Variants in ITSN1 observed in about 807,000 individuals in gnomAD.
ITSN1 encodes intersectin-1.
ITSN1 carries 58 observed loss-of-function variants against 239.8 expected under a neutral mutation model. The ratio of observed to expected loss-of-function variants is 0.24; its 90% confidence interval spans 0.20 to 0.30. The LOEUF is 0.30. Ranked by LOEUF, ITSN1 falls within the 10% of genes least tolerant of loss-of-function variation. The pLI is 1.00. For missense variants in ITSN1, 1,558 were observed against 2,103.3 expected, an observed-to-expected ratio of 0.74 and a Z score of 5.07; for synonymous variants, 780 against 770.8, an observed-to-expected ratio of 1.01 and a Z score of -0.20.
chr21:33,867,485 CAG>C (rs1229182526), intron 33 of ITSN1, among the ~76,000 whole-genome samples, 154 bp downstream of exon 33: 2 of 152,006 alleles, frequency 1.3e-5, no homozygotes, highest in African/African-American at 2.4e-5. Context: ...CTTGGTAACT[CAG>C]AAAGAAAAGC....
At chr21:33,886,628 T>C (rs1369838833) in intron 39 of ITSN1, among the ~76,000 whole-genome samples, 168 bp downstream of exon 39, 1 of 152,202 alleles carries the variant, frequency 6.6e-6, no homozygotes, top group Non-Finnish European at 1.5e-5. Context: ...AGGAGTCTTC[T>C]GGAGGCGTCT....
intron 1 of ITSN1, among the ~76,000 whole-genome samples, chr21:33,677,724 C>T (rs1305212432): frequency 2.6e-5 from 4 of 152,128 alleles, no homozygotes; most frequent in African/African-American, 7.2e-5. Context: ...TGTCAAACAC[C>T]CATTTAGGCA....
intron 1 of ITSN1, among the ~76,000 whole-genome samples, chr21:33,673,277 A>G (rs2090405881): frequency 1.3e-5 from 2 of 152,230 alleles, no homozygotes; most frequent in African/African-American, 2.4e-5. Flanking sequence ...GATGTAGGTC[A>G]AAGTTGCAGT....
chr21:33,666,338 A>G (rs1181636372), intron 1 of ITSN1, among the ~76,000 whole-genome samples: 1 of 152,190 alleles, frequency 6.6e-6, no homozygotes, highest in African/African-American at 2.4e-5. Context: ...GGTGATGAAA[A>G]TGTTCTGGAA....
Position 33,865,223 on chromosome 21 carries a change from A to C in ITSN1, c.3963A>C (p.Ala1321=). 6.2e-7 allele frequency: 1 copy of C among 1,613,840 alleles called. No individual in the cohort carries two copies. Among genetic ancestry groups the C allele is most frequent in the Non-Finnish European group, 8.5e-7 (1 of 1,179,958 alleles). Residue 1321 remains alanine, a synonymous_variant, in exon 32 of 40, where the codon GCA becomes GCC. Coordinates refer to ENST00000381318, the MANE Select transcript of ITSN1 (RefSeq NM_003024.3). This position sits in a 1 kb window ranked among gnomAD's most constrained non-coding sequence, Gnocchi z 4.4. ...PVKMIGDILS[A]QLPHMQPYIR... ...AGATGATTGGAGACATCCTGAGCGC[A>C]CAGCTGCCGCACATGCAGCCCTACA... is the stretch of plus-strand genomic sequence containing the variant.
At chr21:33,739,034 A>G (rs1409290095) in intron 5 of ITSN1, among the ~76,000 whole-genome samples, 1 of 152,204 alleles carries the variant, frequency 6.6e-6, no homozygotes, top group African/African-American at 2.4e-5. Flanking sequence ...ATCTCAAGTA[A>G]TCCTCCCATT....
At chr21:33,818,041 A>G (rs1302760195) in intron 22 of ITSN1, 8 of 568,840 alleles carry the variant, frequency 1.4e-5, no homozygotes, top group Admixed American at 1.2e-4. Flanking sequence ...TGGTCAGACA[A>G]TGACTTTGTG....
In ITSN1 at chr21:33,730,388, C is replaced by CTTTTTTTTT. The variant is rs71194863; in HGVS notation, c.186-4636_186-4628dup. Among the ~76,000 whole-genome samples the CTTTTTTTTT allele has an allele frequency of 7.7e-4, 38 of 49,372 alleles. 4 individuals carry two copies. Among genetic ancestry groups the CTTTTTTTTT allele is most frequent in the East Asian group, 1.4e-3 (2 of 1,466 alleles). 32.4% of individuals were successfully genotyped at this position (49,372 alleles called of 152,430 possible). On this transcript the variant is annotated intron_variant, in intron 4 of 39. Coordinates refer to ENST00000381318, the MANE Select transcript of ITSN1 (RefSeq NM_003024.3). ...TAACCTGCTATAAATGCTCTCTGTT[C>CTTTTTTTTT]TTTTTTTTTTTTTTTTTTTTTTTTT...
chr21:33,761,170 G>A (rs2068295137), intron 8 of ITSN1, among the ~76,000 whole-genome samples: 1 of 151,894 alleles, frequency 6.6e-6, no homozygotes, highest in African/African-American at 2.4e-5. Flanking sequence ...CCGCCTCTGG[G>A]GCTCAAGCGA....
intron 33 of ITSN1, among the ~76,000 whole-genome samples, chr21:33,873,074 A>G (rs1196054679): frequency 6.6e-6 from 1 of 152,174 alleles, no homozygotes; most frequent in African/African-American, 2.4e-5. Context: ...CCCTCCAGGG[A>G]TTTTGATTTA....
rs750655480 is a variant in ITSN1 at position 33,735,073 on chromosome 21, G to A, written c.215G>A (p.Arg72Lys). ...CTAGCTGACATGAATAATGATGGAA[G>A]AATGGATCAAGTGGAGTTTTCCATA... The part of the protein sequence containing the change: ...WALADMNNDG[R>K]MDQVEFSIAM... Residue 72 changes from arginine to lysine, a missense_variant, in exon 5 of 40, where the codon AGA becomes AAA. Physicochemically the swap from Arg to Lys is conservative, Grantham distance 26. Around this residue, in one of 2 missense-constraint regions of ITSN1, gnomAD observed 982 missense variants for 1,209.9 expected, o/e 0.81. Coordinates refer to ENST00000381318, the MANE Select transcript of ITSN1 (RefSeq NM_003024.3). 2.0e-5 allele frequency: 33 copies of A among 1,613,442 alleles called. 1 individual carries two copies. In the South Asian group the frequency reaches 2.2e-4, roughly 11 times the overall value.
chr21:33,698,353 C>T (rs986549438), intron 1 of ITSN1, among the ~76,000 whole-genome samples: 46 of 152,184 alleles, frequency 3.0e-4, no homozygotes, highest in Admixed American at 6.5e-5. Flanking sequence ...TGCCACTCCC[C>T]CCTAACAACA....
rs145666337 is a variant in ITSN1 at position 33,731,982 on chromosome 21, A to G, written c.186-3062A>G. On this transcript the variant is annotated intron_variant, in intron 4 of 39. Transcript: ENST00000381318. ...TTAGGGAGACATAAGACATCAATCAATATATGTAAAATGTACACTATTTCG... is the reference window on the plus strand; with the variant it reads ...TTAGGGAGACATAAGACATCAATCAGTATATGTAAAATGTACACTATTTCG... Among the ~76,000 whole-genome samples, 126 of 152,304 alleles carry G rather than the reference A, an allele frequency of 8.3e-4. 1 individual carries two copies. The highest frequency in any genetic ancestry group is 2.9e-3 in the African/African-American group (120 of 41,552).
intron 14 of ITSN1, among the ~76,000 whole-genome samples, chr21:33,777,584 G>A (rs2069742037): frequency 1.3e-5 from 2 of 152,120 alleles, no homozygotes; most frequent in Admixed American, 1.3e-4. Context: ...CTCTATTTTG[G>A]TAGTTATAAA....
chr21:33,708,810 C>T (rs1043021874), intron 1 of ITSN1, among the ~76,000 whole-genome samples: 41 of 152,074 alleles, frequency 2.7e-4, no homozygotes, highest in African/African-American at 9.7e-4. Flanking sequence ...GCATTTAGGC[C>T]TAGGACCCGT....
intron 9 of ITSN1, among the ~76,000 whole-genome samples, chr21:33,763,319 C>T (rs552368190): frequency 6.7e-5 from 10 of 149,888 alleles, no homozygotes; most frequent in East Asian, 4.0e-4. Context: ...TTGAAGAGTG[C>T]GTCACTGTGG....
Position 33,855,690 on chromosome 21 carries a change from C to T in ITSN1, c.3662-1046C>T, listed in dbSNP as rs1979191344. Reference sequence around the variant, plus strand: ...CAGAGTCATGAGTGAGCCCCACTTCCAGTGCAGGCACCATCTCAGGGCAGT... The same window carrying T: ...CAGAGTCATGAGTGAGCCCCACTTCTAGTGCAGGCACCATCTCAGGGCAGT... On this transcript the variant is annotated intron_variant, in intron 29 of 39. Transcript: ENST00000381318. Among the ~76,000 whole-genome samples, 4 of 152,262 alleles carry T rather than the reference C, an allele frequency of 2.6e-5. No homozygotes were observed. In the South Asian group the frequency reaches 8.3e-4, roughly 32 times the overall value.
intron 38 of ITSN1, 143 bp from the exon 39 acceptor site, chr21:33,886,144 G>A: frequency 1.6e-6 from 1 of 629,576 alleles, no homozygotes; most frequent in East Asian, 2.9e-5. Flanking sequence ...CTCAGGAGGT[G>A]GAGGTTGCAA....
chr21:33,685,260 G>A (rs1041346787), intron 1 of ITSN1, among the ~76,000 whole-genome samples: 1 of 152,052 alleles, frequency 6.6e-6, no homozygotes, highest in Non-Finnish European at 1.5e-5. Flanking sequence ...GGATATACTC[G>A]GCGTTCAGGG....
Sources: allele counts gnomAD v4.1 joint callset (sites outside exome capture counted in the v4.1 genomes callset), GRCh38; gene constraint gnomAD v4.1.1; regional missense constraint gnomAD v4.1.1; non-coding constraint Gnocchi (gnomAD v3.1); transcripts MANE v1.5; gene names NCBI Gene and HGNC (gene_info 2026-07-23, HGNC 2026-07-21).